RUNX1: variants seen among roughly 807,000 people sequenced by gnomAD.
RUNX1 encodes RUNX family transcription factor 1, also known as runt-related transcription factor 1.
In RUNX1, 19 loss-of-function variants were observed where a neutral mutation model predicts 42.8. That is an observed-to-expected ratio of 0.44 (90% CI 0.31 to 0.65). The LOEUF is 0.65. RUNX1 is among the 30% of genes least tolerant of loss of function. RUNX1 has a pLI of 0.07. For missense variants in RUNX1, 528 were observed against 672.0 expected (o/e 0.79, Z 2.37); for synonymous variants, 271 against 289.4 (o/e 0.94, Z 0.64).
chr21:35,036,970 T>C (rs1401929858), intron 2 of RUNX1, among the ~76,000 whole-genome samples: 2 of 152,168 alleles, frequency 1.3e-5, no homozygotes, highest in Non-Finnish European at 2.9e-5. Flanking sequence ...TACATCACTC[T>C]GTGGTTTCTT....
At chr21:34,829,992 G>C (rs1309548494) in intron 7 of RUNX1, 1 of 152,218 alleles carries the variant, frequency 6.6e-6, no homozygotes, top group African/African-American at 2.4e-5. Context: ...GGTCATTTCA[G>C]TATCTCAGAG....
intron 2 of RUNX1, among the ~76,000 whole-genome samples, chr21:34,921,445 C>T (rs1323568179): frequency 6.6e-6 from 1 of 152,148 alleles, no homozygotes; most frequent in East Asian, 1.9e-4. Flanking sequence ...AAGCTTCATC[C>T]ATATTGTAGC....
intron 7 of RUNX1, among the ~76,000 whole-genome samples, chr21:34,818,977 G>A (rs563915560): frequency 6.6e-6 from 1 of 152,332 alleles, no homozygotes; most frequent in African/African-American, 2.4e-5. Context: ...AGCTGGGGAG[G>A]AGGGGAAAGG....
At chr21:34,828,928 A>G (rs560582087) in intron 7 of RUNX1, among the ~76,000 whole-genome samples, 2 of 152,320 alleles carry the variant, frequency 1.3e-5, no homozygotes, top group South Asian at 4.1e-4. Flanking sequence ...CGACAACTTG[A>G]TATTATTGAT....
intron 2 of RUNX1, among the ~76,000 whole-genome samples, chr21:34,948,886 C>T (rs2146659647): frequency 6.6e-6 from 1 of 152,206 alleles, no homozygotes; most frequent in East Asian, 1.9e-4. Flanking sequence ...GCTGGGATTA[C>T]AGGAGCCCGC....
In RUNX1 at chr21:34,936,674, T is replaced by C. The variant is rs1161053159; in HGVS notation, c.59-43711A>G. On this transcript the variant is annotated intron_variant, in intron 2 of 8. Coordinates refer to ENST00000675419, the MANE Select transcript of RUNX1 (RefSeq NM_001754.5). Reference sequence around the variant, plus strand: ...CAGCATGGCAAGAAATATCGACAGATAGAACGCTTAGCAGGATCCTGGCCG... The same window carrying C: ...CAGCATGGCAAGAAATATCGACAGACAGAACGCTTAGCAGGATCCTGGCCG... Among the ~76,000 whole-genome samples, 4 of 152,140 alleles carry C rather than the reference T, an allele frequency of 2.6e-5. No homozygotes were observed. In the South Asian group the frequency reaches 8.3e-4, roughly 32 times the overall value.
intron 3 of RUNX1, chr21:34,887,404 T>G: frequency 7.2e-7 from 1 of 1,392,846 alleles, no homozygotes; most frequent in Admixed American, 3.0e-5. Context: ...CCACGAATCT[T>G]GCTTGCAGAG....
Position 34,799,369 on chromosome 21 carries a change from G to C in RUNX1, c.899C>G (p.Thr300Arg), listed in dbSNP as rs758682659. Residue 300 changes from threonine (T) to arginine (R), a missense_variant, in exon 8 of 9, where the codon ACG becomes AGG. Thr to Arg is a moderately conservative substitution (Grantham distance 71). Around this residue, in one of 3 missense-constraint regions of RUNX1, gnomAD observed 331 missense variants for 382.5 expected, o/e 0.87. Coordinates refer to ENST00000675419, the MANE Select transcript of RUNX1 (RefSeq NM_001754.5). ...SIASPSVHPA[T>R]PISPGRASGM... ...GCTGGCACGTCCAGGTGAAATGGGC[G>C]TTGCTGGGTGCACAGAAGGAGAGGC... is the stretch of plus-strand genomic sequence containing the variant. 1.2e-6 allele frequency: 2 copies of C among 1,614,234 alleles called. No individual in the cohort carries two copies. The highest frequency in any genetic ancestry group is 8.5e-7 in the Non-Finnish European group (1 of 1,180,030).
chr21:34,822,232 G>A (rs922111549), intron 7 of RUNX1, among the ~76,000 whole-genome samples: 2 of 152,186 alleles, frequency 1.3e-5, no homozygotes, highest in African/African-American at 2.4e-5. Context: ...TGGGTCACGT[G>A]AAAACAAACC....
chr21:35,022,855 A>C (rs992247201), intron 2 of RUNX1, among the ~76,000 whole-genome samples: 1 of 148,978 alleles, frequency 6.7e-6, no homozygotes, highest in Non-Finnish European at 1.5e-5. Flanking sequence ...AGATCGCGCC[A>C]GTGCACTCCA....
At chr21:34,848,885 G>C (rs2057354761) in intron 6 of RUNX1, among the ~76,000 whole-genome samples, 1 of 151,890 alleles carries the variant, frequency 6.6e-6, no homozygotes, top group African/African-American at 2.4e-5. Flanking sequence ...AAAATAAGGT[G>C]GTACCAGGAA....
At chr21:34,850,243 A>C (rs1285819699) in intron 6 of RUNX1, among the ~76,000 whole-genome samples, 9 of 152,180 alleles carry the variant, frequency 5.9e-5, no homozygotes, top group Non-Finnish European at 1.0e-4. Flanking sequence ...ACGTGCACCC[A>C]ATGACAAGGC....
At chr21:34,846,118 T>C (rs2057310979) in intron 6 of RUNX1, among the ~76,000 whole-genome samples, 3 of 151,484 alleles carry the variant, frequency 2.0e-5, no homozygotes, top group Admixed American at 2.0e-4. Context: ...AACACCAAGG[T>C]CTCTGACCAG....
At chr21:34,917,858 T>A (rs933354174) in intron 2 of RUNX1, among the ~76,000 whole-genome samples, 1 of 151,994 alleles carries the variant, frequency 6.6e-6, no homozygotes, top group Admixed American at 6.5e-5. Flanking sequence ...TGGCCGGGCG[T>A]AGTGGCTCAT....
chr21:34,791,909 G>A lies in RUNX1; in HGVS notation c.*226C>T. On this transcript the variant is annotated 3_prime_UTR_variant, in exon 9 of 9. Transcript: ENST00000675419. ...GAGGTGCGTCGCCTCGGACACCTCC[G>A]CGAGGGCCGGGGCGCCAGCAGACGG... is the stretch of plus-strand genomic sequence containing the variant. The A allele has an allele frequency of 3.4e-6, 1 of 296,104 alleles. No homozygotes were observed. Among genetic ancestry groups the A allele is most frequent in the Non-Finnish European group, 6.4e-6 (1 of 155,828 alleles). The allele number at this position is 296,104 out of a possible 1,614,324, so 18.3% of individuals were successfully genotyped here. A position where few individuals can be genotyped will look rare whatever the true frequency, so the allele number is the denominator to read the frequency against.
chr21:34,930,270 G>GTGTGTGTGTGTGTATATA (rs372412304), intron 2 of RUNX1, among the ~76,000 whole-genome samples: 1 of 123,038 alleles, frequency 8.1e-6, no homozygotes, highest in African/African-American at 3.8e-5. Flanking sequence ...GTGTGTGTAT[G>GTGTGTGTGTGTGTATATA]TATATATATA....
At chr21:34,891,440 A>G (rs1245748634) in intron 3 of RUNX1, among the ~76,000 whole-genome samples, 1 of 152,162 alleles carries the variant, frequency 6.6e-6, no homozygotes, top group African/African-American at 2.4e-5. Flanking sequence ...TTCCTTACTG[A>G]GGATCTAAAA....
In RUNX1 at chr21:34,789,121, T is replaced by C. The variant is rs1394389450; in HGVS notation, c.*3014A>G. On this transcript the variant is annotated 3_prime_UTR_variant, in exon 9 of 9. Coordinates refer to ENST00000675419, the MANE Select transcript of RUNX1 (RefSeq NM_001754.5). ...CAAGCAGATCCAATATGGTTGGCAA[T>C]GTCTCTGTTCTGCTGGAAGAAACCC... is the stretch of plus-strand genomic sequence containing the variant. 1 of 233,234 alleles carries C rather than the reference T, an allele frequency of 4.3e-6. No homozygotes were observed. The highest frequency in any genetic ancestry group is 8.5e-6 in the Non-Finnish European group (1 of 118,088). 14.4% of individuals were successfully genotyped at this position (233,234 alleles called of 1,614,324 possible).
intron 5 of RUNX1, among the ~76,000 whole-genome samples, chr21:34,877,899 T>C (rs1306400406): frequency 6.6e-6 from 1 of 152,174 alleles, no homozygotes; most frequent in African/African-American, 2.4e-5. Context: ...GGAGAATCCA[T>C]CAGACTGGTG....
Sources: allele counts gnomAD v4.1 joint callset (sites outside exome capture counted in the v4.1 genomes callset), GRCh38; gene constraint gnomAD v4.1.1; regional missense constraint gnomAD v4.1.1; transcripts MANE v1.5; gene names NCBI Gene and HGNC (gene_info 2026-07-23, HGNC 2026-07-21).